The following FAM13A variants were observed in gnomAD, a reference collection of about 807,000 sequenced individuals.
FAM13A encodes the protein protein FAM13A.
FAM13A carries 76 observed loss-of-function variants against 129.6 expected under a neutral mutation model. That is an observed-to-expected ratio of 0.59 (90% CI 0.49 to 0.71). The LOEUF (loss-of-function observed/expected upper bound fraction) is 0.71. Among genes scored for constraint, FAM13A ranks in the 30% least tolerant of loss-of-function variants. The pLI, the probability that FAM13A is intolerant of heterozygous loss-of-function variation, is 0.00. For missense variants in FAM13A, 1,108 were observed against 1,249.3 expected (o/e 0.89, Z 1.70); for synonymous variants, 443 against 449.9 (o/e 0.98, Z 0.20).
At chr4:88,748,905 G>GCA in intron 17 of FAM13A, 47 bp downstream of exon 17, 1 of 1,323,092 alleles carries the variant, frequency 7.6e-7, no homozygotes, top group Non-Finnish European at 1.1e-6. Context: ...GAGAGATTCT[G>GCA]CACCTGGCTT....
chr4:88,892,842 T>C (rs917926329), intron 6 of FAM13A, among the ~76,000 whole-genome samples: 1 of 152,202 alleles, frequency 6.6e-6, no homozygotes, highest in Admixed American at 6.5e-5. Flanking sequence ...TCATTATTTT[T>C]TGCTGATATT....
At chr4:88,925,879 A>G (rs1752064300) in intron 5 of FAM13A, among the ~76,000 whole-genome samples, 1 of 152,126 alleles carries the variant, frequency 6.6e-6, no homozygotes, top group Admixed American at 6.6e-5. Context: ...AAGAAAGGAG[A>G]TGAGGATTAA....
At chr4:89,018,331 T>G (rs1159297631) in intron 3 of FAM13A, among the ~76,000 whole-genome samples, 1 of 152,212 alleles carries the variant, frequency 6.6e-6, no homozygotes, top group Admixed American at 6.5e-5. Flanking sequence ...AAGGCAGCCA[T>G]CTGCACACCA....
intron 10 of FAM13A, among the ~76,000 whole-genome samples, chr4:88,784,662 A>G (rs968286049): frequency 6.6e-6 from 1 of 152,214 alleles, no homozygotes; most frequent in African/African-American, 2.4e-5. Flanking sequence ...TATATAACAA[A>G]GAAACATTTG....
intron 3 of FAM13A, among the ~76,000 whole-genome samples, chr4:89,014,935 A>G (rs1255409207): frequency 6.6e-6 from 1 of 152,206 alleles, no homozygotes; most frequent in Non-Finnish European, 1.5e-5. Context: ...ACAGAGCCAT[A>G]TTTGTCTTCT....
chr4:88,910,387 C>T (rs769379542), intron 5 of FAM13A, among the ~76,000 whole-genome samples: 6 of 152,114 alleles, frequency 3.9e-5, no homozygotes, highest in Non-Finnish European at 8.8e-5. Flanking sequence ...TATTCAACTA[C>T]TAATGACATT....
chr4:89,003,068 C>T (rs75039625), intron 3 of FAM13A, among the ~76,000 whole-genome samples: 8,201 of 151,668 alleles, frequency 0.054, 317 homozygotes, highest in South Asian at 0.22. Context: ...CTGATGGAAC[C>T]CATGGAATGT....
chr4:88,852,160 CT>C (rs369275871), intron 6 of FAM13A, among the ~76,000 whole-genome samples: 12,496 of 137,984 alleles, frequency 0.091, 752 homozygotes, highest in African/African-American at 0.2. Flanking sequence ...AACTTCAGGT[CT>C]TTTTTTTTTT....
At chr4:88,750,702 A>G in intron 14 of FAM13A, 65 bp from the exon 15 acceptor site, 4 of 1,267,790 alleles carry the variant, frequency 3.2e-6, no homozygotes, top group South Asian at 1.3e-5. Context: ...TCTTTAAAAC[A>G]CAAGTGTTTC....
intron 6 of FAM13A, among the ~76,000 whole-genome samples, chr4:88,868,607 A>G (rs1740839049): frequency 6.6e-6 from 1 of 152,148 alleles, no homozygotes. Context: ...TTGGTCTCAC[A>G]TTAATGGCCC....
chr4:88,991,743 C>A (rs558139574), intron 3 of FAM13A, among the ~76,000 whole-genome samples: 1 of 152,298 alleles, frequency 6.6e-6, no homozygotes, highest in East Asian at 1.9e-4. Context: ...CTAAAGGAAA[C>A]TTAATTCCTA....
intron 3 of FAM13A, among the ~76,000 whole-genome samples, chr4:89,008,632 T>G (rs939312836): frequency 6.6e-6 from 1 of 152,148 alleles, no homozygotes; most frequent in South Asian, 2.1e-4. Flanking sequence ...CTCTGCACAA[T>G]CTACCTGCTT....
chr4:88,962,626 A>G (rs1390095707), intron 4 of FAM13A, among the ~76,000 whole-genome samples: 1 of 152,088 alleles, frequency 6.6e-6, no homozygotes, highest in Non-Finnish European at 1.5e-5. Context: ...CGAGAGAGAG[A>G]GCATATGTGT....
intron 7 of FAM13A, among the ~76,000 whole-genome samples, chr4:88,819,151 C>T (rs1259245931): frequency 1.3e-5 from 2 of 152,048 alleles, no homozygotes; most frequent in African/African-American, 2.4e-5. Flanking sequence ...CAATAATATA[C>T]ACTGGATATC....
At chr4:89,000,000 TA>T (rs1197959701) in intron 3 of FAM13A, among the ~76,000 whole-genome samples, 17 of 152,288 alleles carry the variant, frequency 1.1e-4, no homozygotes, top group African/African-American at 3.8e-4. Flanking sequence ...AAAGCATTAC[TA>T]AAAAAACAAA....
chr4:88,959,532 T>A (rs1758302858), intron 4 of FAM13A, among the ~76,000 whole-genome samples: 1 of 152,216 alleles, frequency 6.6e-6, no homozygotes, highest in South Asian at 2.1e-4. Flanking sequence ...GCTCCCCCTT[T>A]TCCTTCTGCT....
intron 14 of FAM13A, 106 bp from the exon 15 acceptor site, chr4:88,750,743 C>T: frequency 1.3e-6 from 1 of 784,210 alleles, no homozygotes; most frequent in Non-Finnish European, 2.1e-6. Flanking sequence ...AGGAAGCTGC[C>T]CATTGAATCG....
At chr4:88,907,571 G>A (rs536502812) in intron 5 of FAM13A, among the ~76,000 whole-genome samples, 10 of 152,228 alleles carry the variant, frequency 6.6e-5, no homozygotes, top group Middle Eastern at 3.4e-3. Context: ...TGTATTGGGC[G>A]TTGCTAAAGA....
intron 1 of FAM13A, among the ~76,000 whole-genome samples, chr4:89,038,551 T>C (rs1177724956): frequency 6.6e-6 from 1 of 152,144 alleles, no homozygotes; most frequent in Non-Finnish European, 1.5e-5. Flanking sequence ...TTTAGGACAG[T>C]TAGATCACCA....
Sources: allele counts gnomAD v4.1 joint callset (sites outside exome capture counted in the v4.1 genomes callset), GRCh38; gene constraint gnomAD v4.1.1; transcripts MANE v1.5; gene names NCBI Gene and HGNC (gene_info 2026-07-23, HGNC 2026-07-21).